The following INPP4B variants were observed in gnomAD, a reference collection of about 807,000 sequenced individuals.
The protein encoded by INPP4B is inositol polyphosphate-4-phosphatase type II B, also known as inositol polyphosphate 4-phosphatase type II.
In INPP4B, 55 loss-of-function variants were observed where a neutral mutation model predicts 122.5. The ratio of observed to expected loss-of-function variants is 0.45; its 90% CI spans 0.36 to 0.56. The LOEUF (loss-of-function observed/expected upper bound fraction) is 0.56, where lower values mean the gene tolerates loss of function less well. Among genes scored for constraint, INPP4B ranks in the 20% least tolerant of loss-of-function variants. INPP4B has a pLI of 0.00. For missense variants in INPP4B, 1,000 were observed against 1,097.7 expected, an observed-to-expected ratio of 0.91 and a Z score of 1.26; for synonymous variants, 403 against 388.7, an observed-to-expected ratio of 1.04 and a Z score of -0.43.
intron 7 of INPP4B, among the ~76,000 whole-genome samples, chr4:142,381,613 T>C (rs535903432): frequency 3.5e-4 from 54 of 152,288 alleles, no homozygotes; most frequent in Non-Finnish European, 6.3e-4. Flanking sequence ...AAACTTTCCC[T>C]ACTCCTTGCC....
At chr4:142,519,184 C>T (rs17016304) in intron 2 of INPP4B, among the ~76,000 whole-genome samples, 25,355 of 152,006 alleles carry the variant, frequency 0.17, 2,361 homozygotes, top group East Asian at 0.38. Flanking sequence ...GGCGTGTACA[C>T]TTTGATAATC....
At chr4:142,135,300 G>A (rs1036075067) in intron 18 of INPP4B, among the ~76,000 whole-genome samples, 1 of 152,144 alleles carries the variant, frequency 6.6e-6, no homozygotes, top group South Asian at 2.1e-4. Context: ...ATTTAAGATG[G>A]CATGTGCAAT....
At chr4:142,251,308 G>A (rs1234767551) in intron 11 of INPP4B, among the ~76,000 whole-genome samples, 2 of 152,078 alleles carry the variant, frequency 1.3e-5, no homozygotes, top group Non-Finnish European at 2.9e-5. Flanking sequence ...GAATCAAGCT[G>A]TATTTAACAT....
At chr4:142,148,096 C>T (rs1326713401) in intron 17 of INPP4B, among the ~76,000 whole-genome samples, 1 of 152,068 alleles carries the variant, frequency 6.6e-6, no homozygotes, top group Non-Finnish European at 1.5e-5. Context: ...AAAAATGAAA[C>T]AACTCTCCAG....
At chr4:142,596,299 G>A (rs72726477) in intron 2 of INPP4B, among the ~76,000 whole-genome samples, 16,447 of 152,174 alleles carry the variant, frequency 0.11, 985 homozygotes, top group South Asian at 0.16. Context: ...AACATGTGGA[G>A]GAAGTGATAT....
intron 12 of INPP4B, among the ~76,000 whole-genome samples, chr4:142,213,012 G>T (rs74590875): frequency 0.021 from 3,206 of 152,242 alleles, 52 homozygotes; most frequent in Non-Finnish European, 0.032. Context: ...TATGGCTGTT[G>T]TGTGCTGAAA....
intron 2 of INPP4B, among the ~76,000 whole-genome samples, chr4:142,596,288 A>C (rs1738672738): frequency 6.6e-6 from 1 of 152,142 alleles, no homozygotes; most frequent in Admixed American, 6.5e-5. Flanking sequence ...CCTTGGCCAG[A>C]AACATGTGGA....
chr4:142,765,744 A>T (rs1472080570), intron 1 of INPP4B: 1 of 152,152 alleles, frequency 6.6e-6, no homozygotes, highest in East Asian at 1.9e-4. Flanking sequence ...TTATATAAAC[A>T]TGAACTAAAA....
intron 2 of INPP4B, among the ~76,000 whole-genome samples, chr4:142,627,700 T>A (rs1746797057): frequency 6.6e-6 from 1 of 151,804 alleles, no homozygotes; most frequent in African/African-American, 2.4e-5. Flanking sequence ...TCAAGGATAT[T>A]GGTCTAAAAT....
chr4:142,509,227 T>C (rs974955502), intron 2 of INPP4B, among the ~76,000 whole-genome samples: 1 of 152,212 alleles, frequency 6.6e-6, no homozygotes, highest in Non-Finnish European at 1.5e-5. Flanking sequence ...GGACCAGTTA[T>C]TTTTAATTTT....
intron 14 of INPP4B, among the ~76,000 whole-genome samples, chr4:142,199,109 T>C (rs1349475140): frequency 6.6e-6 from 1 of 152,076 alleles, no homozygotes; most frequent in East Asian, 1.9e-4. Context: ...TTCTCTAGGC[T>C]CACACAATGT....
At chr4:142,768,054 C>A (rs981444412) in intron 1 of INPP4B, 1 of 152,152 alleles carries the variant, frequency 6.6e-6, no homozygotes, top group Non-Finnish European at 1.5e-5. Context: ...GTCACAGTGA[C>A]ACAGGGCACT....
intron 2 of INPP4B, among the ~76,000 whole-genome samples, chr4:142,583,832 C>G (rs1735614235): frequency 6.6e-6 from 1 of 151,566 alleles, no homozygotes; most frequent in Admixed American, 6.6e-5. Context: ...AATTATATCT[C>G]AGAAAGTTCC....
intron 11 of INPP4B, among the ~76,000 whole-genome samples, chr4:142,257,936 T>C (rs1340568225): frequency 6.6e-6 from 1 of 152,188 alleles, no homozygotes; most frequent in Non-Finnish European, 1.5e-5. Context: ...GACATCGCAC[T>C]ACCTGACTTC....
chr4:142,243,480 T>C (rs1215583838), intron 11 of INPP4B, among the ~76,000 whole-genome samples: 2 of 152,056 alleles, frequency 1.3e-5, no homozygotes, highest in African/African-American at 4.8e-5. Context: ...AAAGGACAAA[T>C]AAATCTAGGG....
chr4:142,132,301 G>A (rs902916505), intron 18 of INPP4B, among the ~76,000 whole-genome samples: 4 of 151,852 alleles, frequency 2.6e-5, no homozygotes, highest in African/African-American at 9.7e-5. Context: ...CAGAGGCAAT[G>A]CATCATAGAC....
chr4:142,203,801 T>C (rs1397066796), intron 14 of INPP4B, among the ~76,000 whole-genome samples: 1 of 152,042 alleles, frequency 6.6e-6, no homozygotes, highest in African/African-American at 2.4e-5. Flanking sequence ...AGCAGGCTTA[T>C]TAATCAAATG....
intron 7 of INPP4B, among the ~76,000 whole-genome samples, chr4:142,329,526 T>C (rs1247586649): frequency 6.6e-6 from 1 of 152,214 alleles, no homozygotes; most frequent in African/African-American, 2.4e-5. Context: ...ATTACTCTGA[T>C]GTGTGGAGAA....
intron 12 of INPP4B, 27 bp from the exon 13 acceptor site, chr4:142,209,053 C>T (rs1843728399): frequency 6.4e-7 from 1 of 1,557,984 alleles, no homozygotes; most frequent in Non-Finnish European, 8.7e-7. Context: ...AGAAGAGAAA[C>T]TTTATTTTTA....
Sources: gnomAD v4.1 joint callset for allele counts (sites outside exome capture counted in the v4.1 genomes callset) on GRCh38, gnomAD v4.1.1 for gene constraint, MANE v1.5 for transcripts, NCBI Gene and HGNC (gene_info 2026-07-23, HGNC 2026-07-21) for gene names.